Variants in HIP1 observed in about 807,000 individuals in gnomAD.
HIP1 encodes huntingtin-interacting protein 1.
HIP1 carries 65 observed loss-of-function variants against 147.6 expected under a neutral mutation model. That is an observed-to-expected ratio of 0.44 (90% CI 0.36 to 0.54). The LOEUF (loss-of-function observed/expected upper bound fraction) is 0.54. HIP1 is among the 20% of genes least tolerant of loss of function. The pLI is 0.00. For synonymous variants in HIP1, 479 were observed against 504.0 expected, an observed-to-expected ratio of 0.95 and a Z score of 0.67; for missense variants, 1,061 against 1,299.6, an observed-to-expected ratio of 0.82 and a Z score of 2.82.
At position 75,683,890 on chromosome 7, in the gene HIP1, GC is replaced by G. The variant is rs1584948608; in HGVS notation, c.120+54910del. Among the ~76,000 whole-genome samples the G allele has an allele frequency of 4.2e-5, 4 of 94,974 alleles. No homozygotes were observed. In the East Asian group the frequency reaches 1.2e-3, roughly 29 times the overall value. The allele number at this position is 94,974 out of a possible 152,430, so 62.3% of individuals were successfully genotyped here. Reference sequence around the variant, plus strand: ...CGAATCCTTGCTCTGCAGCCAACCAGCTACATGAATTTGAACAAGCTAAGTA... The same window carrying G: ...CGAATCCTTGCTCTGCAGCCAACCAGTACATGAATTTGAACAAGCTAAGTA... On this transcript the variant is annotated intron_variant, in intron 1 of 30. Coordinates refer to ENST00000336926, the MANE Select transcript of HIP1 (RefSeq NM_005338.7).
At chr7:75,639,250 G>C (rs1171089667) in intron 1 of HIP1, 74 of 900,904 alleles carry the variant, frequency 8.2e-5, no homozygotes, top group Admixed American at 2.5e-4. Context: ...AGGAAGGGGA[G>C]GGGGAGGGGA....
At chr7:75,724,734 G>C (rs782172404) in intron 1 of HIP1, among the ~76,000 whole-genome samples, 1 of 152,206 alleles carries the variant, frequency 6.6e-6, no homozygotes, top group African/African-American at 2.4e-5. Flanking sequence ...AAGGAAGGTA[G>C]ACACAAGACA....
At position 75,663,988 on chromosome 7, in the gene HIP1, A is replaced by ATATATACACATATATGTGTATATG. The variant is rs1799413657; in HGVS notation, c.121-64742_121-64741insCATATACACATATATGTGTATATA. ...TATATATATACACATATATGTGTAT[A>ATATATACACATATATGTGTATATG]TATATACACATATATGTGTATATAT... is the stretch of plus-strand genomic sequence containing the variant. On this transcript the variant is annotated intron_variant, in intron 1 of 30. Transcript: ENST00000336926. Among the ~76,000 whole-genome samples, 3 of 36,220 alleles carry ATATATACACATATATGTGTATATG rather than the reference A, an allele frequency of 8.3e-5. 1 individual carries two copies. The Admixed American group carries it at 9.8e-4, about 12-fold the overall frequency. The allele number at this position is 36,220 out of a possible 152,430, so 23.8% of individuals were successfully genotyped here.
chr7:75,640,066 C>T (rs1316565289), intron 1 of HIP1, among the ~76,000 whole-genome samples: 4 of 152,192 alleles, frequency 2.6e-5, no homozygotes, highest in Admixed American at 1.3e-4. Flanking sequence ...AAATGCAAGG[C>T]AGACATTCCC....
chr7:75,591,481 T>C (rs1402388374), intron 4 of HIP1, among the ~76,000 whole-genome samples: 1 of 152,062 alleles, frequency 6.6e-6, no homozygotes, highest in Non-Finnish European at 1.5e-5. Context: ...CCTAAAGCAC[T>C]GATAATCTCT....
chr7:75,603,662 C>A (rs1797099913), intron 1 of HIP1, among the ~76,000 whole-genome samples: 3 of 151,988 alleles, frequency 2.0e-5, no homozygotes, highest in African/African-American at 7.2e-5. Flanking sequence ...CGCTTAAGGC[C>A]AGGATTTTGA....
intron 1 of HIP1, among the ~76,000 whole-genome samples, chr7:75,666,670 T>C (rs1563281059): frequency 1.3e-5 from 2 of 152,086 alleles, no homozygotes; most frequent in Admixed American, 6.6e-5. Flanking sequence ...GCAAGGGAGA[T>C]GCGAGAAGGA....
At chr7:75,542,544 C>T (rs1554490114) in intron 28 of HIP1, among the ~76,000 whole-genome samples, 1 of 151,796 alleles carries the variant, frequency 6.6e-6, no homozygotes, top group African/African-American at 2.4e-5. Flanking sequence ...ACTAAAAATA[C>T]AAAAATTAGC....
At position 75,534,532 on chromosome 7, in the gene HIP1, C is replaced by G. The variant is rs1794012479; in HGVS notation, c.*3640G>C. On this transcript the variant is annotated 3_prime_UTR_variant, in exon 31 of 31. Transcript: ENST00000336926. Reference sequence around the variant, plus strand: ...CACTACAACCTCTGTCCCCCGGGTTCAAGTGATTCTCCTGCCTCAGCCTCC... The same window carrying G: ...CACTACAACCTCTGTCCCCCGGGTTGAAGTGATTCTCCTGCCTCAGCCTCC... 1 of 176,894 alleles carries G rather than the reference C, an allele frequency of 5.7e-6. No homozygotes were observed. Among genetic ancestry groups the G allele is most frequent in the Non-Finnish European group, 1.2e-5 (1 of 82,446 alleles). 11.0% of individuals were successfully genotyped at this position (176,894 alleles called of 1,614,324 possible). A position where few individuals can be genotyped will look rare whatever the true frequency, so the allele number is the denominator to read the frequency against.
At chr7:75,656,560 C>T (rs1204838859) in intron 1 of HIP1, among the ~76,000 whole-genome samples, 1 of 152,172 alleles carries the variant, frequency 6.6e-6, no homozygotes, top group Non-Finnish European at 1.5e-5. Flanking sequence ...TCACCGCAAC[C>T]TCTGCCTCCT....
chr7:75,548,465 C>T (rs1010715141), intron 23 of HIP1, among the ~76,000 whole-genome samples: 1 of 145,784 alleles, frequency 6.9e-6, no homozygotes. Flanking sequence ...TTTGGTCTCT[C>T]TTTTTTTTTT....
intron 4 of HIP1, among the ~76,000 whole-genome samples, chr7:75,588,209 A>G (rs926711776): frequency 4.6e-5 from 7 of 152,170 alleles, no homozygotes; most frequent in Non-Finnish European, 8.8e-5. Flanking sequence ...GCAAATGCCA[A>G]TTCTCTCTGG....
chr7:75,715,798 A>AG (rs1801299313), intron 1 of HIP1, among the ~76,000 whole-genome samples: 1 of 150,766 alleles, frequency 6.6e-6, no homozygotes, highest in Non-Finnish European at 1.5e-5. Context: ...AAAAAAAAAA[A>AG]AGATGTCTAT....
intron 1 of HIP1, among the ~76,000 whole-genome samples, chr7:75,649,760 G>A (rs1584919236): frequency 1.3e-5 from 2 of 152,306 alleles, no homozygotes; most frequent in African/African-American, 4.8e-5. Flanking sequence ...AGGGCTGCAG[G>A]AAGCAAGGAA....
chr7:75,657,891 T>G (rs537411272), intron 1 of HIP1, among the ~76,000 whole-genome samples: 1 of 151,260 alleles, frequency 6.6e-6, no homozygotes, highest in South Asian at 2.1e-4. Context: ...ATCTAGAATT[T>G]AAATACACAC....
At chr7:75,586,194 CT>C (rs1310443103) in intron 5 of HIP1, among the ~76,000 whole-genome samples, 2 of 150,872 alleles carry the variant, frequency 1.3e-5, no homozygotes, top group Non-Finnish European at 3.0e-5. Context: ...GTTACTCTTT[CT>C]TTTTTTTGTT....
intron 8 of HIP1, among the ~76,000 whole-genome samples, chr7:75,571,721 T>C (rs1248920114): frequency 6.6e-6 from 1 of 152,208 alleles, no homozygotes; most frequent in African/African-American, 2.4e-5. Flanking sequence ...TAGCTGGGAC[T>C]ACAGGCGCAT....
At chr7:75,683,442 T>TG (rs11438508) in intron 1 of HIP1, among the ~76,000 whole-genome samples, 103,897 of 151,446 alleles carry the variant, frequency 0.69, 35,986 homozygotes, top group African/African-American at 0.77. Flanking sequence ...TCGGACTCGT[T>TG]GGGAGTGCAC....
At chr7:75,722,573 T>A (rs1258782855) in intron 1 of HIP1, among the ~76,000 whole-genome samples, 2 of 152,148 alleles carry the variant, frequency 1.3e-5, no homozygotes, top group Non-Finnish European at 2.9e-5. Flanking sequence ...ACCACCACCA[T>A]GAGCCTGAGT....
Sources: gnomAD v4.1 joint callset for allele counts (sites outside exome capture counted in the v4.1 genomes callset) on GRCh38, gnomAD v4.1.1 for gene constraint, MANE v1.5 for transcripts, NCBI Gene and HGNC (gene_info 2026-07-23, HGNC 2026-07-21) for gene names.